Variants in PPFIA2 observed in about 807,000 individuals in gnomAD.
PPFIA2 encodes the protein liprin-alpha-2.
A neutral mutation model predicts 175.5 loss-of-function variants in PPFIA2; 46 were observed. That is an observed-to-expected ratio of 0.26 (90% CI 0.21 to 0.34). PPFIA2 has a LOEUF of 0.34. PPFIA2 is among the 10% of genes least tolerant of loss of function. The pLI, the probability that PPFIA2 is intolerant of heterozygous loss-of-function variation, is 1.00. For synonymous variants in PPFIA2, 568 were observed against 511.4 expected, an observed-to-expected ratio of 1.11 and a Z score of -1.49; for missense variants, 1,179 against 1,506.1, an observed-to-expected ratio of 0.78 and a Z score of 3.60.
intron 3 of PPFIA2, among the ~76,000 whole-genome samples, chr12:81,723,439 TAAGATTC>T (rs763185296): frequency 3.0e-4 from 46 of 151,116 alleles, no homozygotes; most frequent in Admixed American, 7.9e-4. Flanking sequence ...TGAACTTTCT[TAAGATTC>T]ATGAAAACAA....
At chr12:81,622,494 A>G (rs2062171217) in intron 4 of PPFIA2, among the ~76,000 whole-genome samples, 1 of 152,164 alleles carries the variant, frequency 6.6e-6, no homozygotes, top group Admixed American at 6.6e-5. Flanking sequence ...TATAAGGCAT[A>G]TAACAGTGGA....
chr12:81,442,295 A>T (rs565282697), intron 6 of PPFIA2, among the ~76,000 whole-genome samples: 2 of 152,080 alleles, frequency 1.3e-5, no homozygotes, highest in Admixed American at 6.5e-5. Flanking sequence ...AAATTGAAAA[A>T]TTGATGCTGT....
intron 5 of PPFIA2, among the ~76,000 whole-genome samples, chr12:81,455,786 G>A (rs1207275826): frequency 2.6e-5 from 4 of 152,192 alleles, no homozygotes; most frequent in African/African-American, 9.6e-5. Flanking sequence ...CTCATGGTTA[G>A]TGCACAGGCT....
intron 6 of PPFIA2, among the ~76,000 whole-genome samples, chr12:81,442,551 T>C (rs1325164676): frequency 7.2e-5 from 11 of 151,822 alleles, no homozygotes; most frequent in Non-Finnish European, 1.2e-4. Flanking sequence ...TTCTGAGTAA[T>C]TGAAAAACAC....
At chr12:81,739,446 CTT>C (rs1200552608) in intron 3 of PPFIA2, among the ~76,000 whole-genome samples, 3 of 151,858 alleles carry the variant, frequency 2.0e-5, no homozygotes. Context: ...TTAAAATAAA[CTT>C]TTCTATATAC....
intron 4 of PPFIA2, among the ~76,000 whole-genome samples, chr12:81,489,888 T>C (rs1488194069): frequency 1.3e-5 from 2 of 151,954 alleles, no homozygotes; most frequent in East Asian, 3.9e-4. Context: ...ATCCATTCTG[T>C]GTTCTAACAC....
chr12:81,455,411 A>G (rs1001817531), intron 5 of PPFIA2, among the ~76,000 whole-genome samples: 1 of 152,232 alleles, frequency 6.6e-6, no homozygotes, highest in Non-Finnish European at 1.5e-5. Context: ...TAAAGAAGGT[A>G]GAAATGTATT....
At chr12:81,512,125 A>T (rs2061864356) in intron 4 of PPFIA2, among the ~76,000 whole-genome samples, 1 of 152,032 alleles carries the variant, frequency 6.6e-6, no homozygotes, top group African/African-American at 2.4e-5. Flanking sequence ...CCTGCTTTTA[A>T]GTTTTTTTCT....
chr12:81,360,825 C>T (rs73157841), intron 15 of PPFIA2, among the ~76,000 whole-genome samples: 3 of 151,638 alleles, frequency 2.0e-5, no homozygotes, highest in East Asian at 1.9e-4. Flanking sequence ...TTCTATAATA[C>T]TTTATACTTG....
intron 3 of PPFIA2, among the ~76,000 whole-genome samples, chr12:81,739,087 T>A (rs913792805): frequency 1.2e-4 from 18 of 151,924 alleles, no homozygotes; most frequent in Admixed American, 6.6e-5. Context: ...CCTCAAAATA[T>A]ATGCTAAAAA....
rs1444612404 is a variant in PPFIA2 at position 81,505,581 on chromosome 12, A to G, written c.304-47715T>C. The stretch of plus-strand genomic sequence containing the variant: ...CTAGCAATTGATTGTTATTTTCTGG[A>G]CTCTGGCTGCAGGCTTGTCCATGAA... On this transcript the variant is annotated intron_variant, in intron 4 of 32. Transcript: ENST00000549396. The G allele has an allele frequency of 3.3e-5, 5 of 152,130 alleles. No individual in the cohort carries two copies. The East Asian group carries it at 9.7e-4, about 29-fold the overall frequency. 9.4% of individuals were successfully genotyped at this position (152,130 alleles called of 1,614,324 possible). A position where few individuals can be genotyped will look rare whatever the true frequency, so the allele number is the denominator to read the frequency against.
At chr12:81,308,616 T>C (rs2049949599) in intron 22 of PPFIA2, among the ~76,000 whole-genome samples, 1 of 152,238 alleles carries the variant, frequency 6.6e-6, no homozygotes, top group Non-Finnish European at 1.5e-5. Context: ...TACTTTTCTT[T>C]CTTTTCCTAT....
chr12:81,709,535 T>C (rs1596636332), intron 3 of PPFIA2, among the ~76,000 whole-genome samples: 1 of 151,820 alleles, frequency 6.6e-6, no homozygotes, highest in African/African-American at 2.4e-5. Flanking sequence ...CACACACACA[T>C]AGACTCACAA....
rs1595757158 is a variant in PPFIA2, at chr12:81,626,773, G to A, written c.303+50018C>T. ...ATGTGTATTATTTTGGGGATTGTTG[G>A]GGTGAGATGTTAGGGTGAGCAAGGA... On this transcript the variant is annotated intron_variant, in intron 4 of 32. Transcript: ENST00000549396. 2.6e-5 allele frequency among the ~76,000 whole-genome samples: 4 copies of A among 152,110 alleles called. 1 individual carries two copies. The highest frequency in any genetic ancestry group is 2.6e-4 in the Admixed American group (4 of 15,264).
chr12:81,570,553 C>T (rs971197283), intron 4 of PPFIA2, among the ~76,000 whole-genome samples: 7 of 151,930 alleles, frequency 4.6e-5, no homozygotes, highest in Non-Finnish European at 7.4e-5. Context: ...GTCTTTTAAG[C>T]AATCTTGGTT....
At chr12:81,516,661 GA>G (rs1403484174) in intron 4 of PPFIA2, among the ~76,000 whole-genome samples, 1 of 152,088 alleles carries the variant, frequency 6.6e-6, no homozygotes, top group Non-Finnish European at 1.5e-5. Flanking sequence ...AAAGTTCAAA[GA>G]ATGGACCAGA....
At chr12:81,403,190 T>C (rs1447746273) in intron 8 of PPFIA2, among the ~76,000 whole-genome samples, 3 of 152,170 alleles carry the variant, frequency 2.0e-5, no homozygotes, top group Non-Finnish European at 4.4e-5. Flanking sequence ...TGACTTAGCA[T>C]TGGCACACAA....
Position 81,384,219 on chromosome 12 carries a change from G to T in PPFIA2, c.788C>A (p.Ser263Ter), listed in dbSNP as rs1422515202. ...AACTATTTGACTAGTTTCATCGGTT[G>T]AGTCTATAGAACCATTGGACAAACG... The part of the protein sequence containing the change: ...EKRLSNGSID[S>*]TDETSQIVEL... Residue 263 changes from serine to a stop codon, truncating the protein, a stop_gained, in exon 9 of 33, where the codon TCA (serine) becomes TAA (stop). Coordinates refer to ENST00000549396, the MANE Select transcript of PPFIA2 (RefSeq NM_003625.5). LOFTEE classifies it high-confidence loss of function. 6.3e-7 allele frequency: 1 copy of T among 1,597,140 alleles called. No individual in the cohort carries two copies. Among genetic ancestry groups the T allele is most frequent in the Admixed American group, 1.7e-5 (1 of 57,312 alleles).
chr12:81,639,496 A>G (rs1165264707), intron 4 of PPFIA2, among the ~76,000 whole-genome samples: 1 of 151,992 alleles, frequency 6.6e-6, no homozygotes, highest in Non-Finnish European at 1.5e-5. Context: ...AAACACACAC[A>G]TTCTTTTTAA....
Sources: gnomAD v4.1 joint callset for allele counts (sites outside exome capture counted in the v4.1 genomes callset) on GRCh38, gnomAD v4.1.1 for gene constraint, MANE v1.5 for transcripts, NCBI Gene and HGNC (gene_info 2026-07-23, HGNC 2026-07-21) for gene names.